Variants in CAST observed in about 807,000 individuals in gnomAD.
CAST encodes the protein calpastatin, also known as MIR583 host.
A neutral mutation model predicts 119.6 loss-of-function variants in CAST; 76 were observed. That is an observed-to-expected ratio of 0.64 (90% confidence interval 0.53 to 0.77). The LOEUF is 0.77. CAST is among the 30% of genes least tolerant of loss of function. The pLI is 0.00. For missense variants in CAST, 953 were observed against 946.5 expected, an observed-to-expected ratio of 1.01 and a Z score of -0.09; for synonymous variants, 319 against 331.6, an observed-to-expected ratio of 0.96 and a Z score of 0.41.
the CAST span, among the ~76,000 whole-genome samples, chr5:96,409,787 T>C: frequency 1.8e-4 from 27 of 152,214 alleles, no homozygotes; most frequent in African/African-American, 5.8e-4. Flanking sequence ...CACTGTCTAT[T>C]ACTTGAGTAG....
the CAST span, among the ~76,000 whole-genome samples, chr5:95,995,895 G>A: frequency 5.9e-5 from 9 of 152,230 alleles, no homozygotes; most frequent in East Asian, 9.6e-4. Flanking sequence ...GCAGGGTGGC[G>A]AAAAGCCTAG....
At chr5:96,279,399 C>T in the CAST span, among the ~76,000 whole-genome samples, 1 of 152,256 alleles carries the variant, frequency 6.6e-6, no homozygotes, top group Non-Finnish European at 1.5e-5. Context: ...CAGGCCTGCA[C>T]TGCAAGGAAT....
chr5:96,495,746 A>G, the CAST span, among the ~76,000 whole-genome samples: 2 of 152,316 alleles, frequency 1.3e-5, no homozygotes, highest in East Asian at 3.9e-4. Flanking sequence ...ATGTGTCTTT[A>G]TAGTAGAATT....
chr5:96,704,177 G>A (rs1037655321), intron 3 of CAST, among the ~76,000 whole-genome samples: 10 of 152,206 alleles, frequency 6.6e-5, no homozygotes, highest in African/African-American at 2.4e-4. Flanking sequence ...GAATCAGCAT[G>A]CTTTGTAGAC....
chr5:96,663,026 G>C (rs999859551), intron 1 of CAST: 6 of 693,638 alleles, frequency 8.7e-6, no homozygotes, highest in Admixed American at 2.0e-5. Context: ...GCGGAGCTCA[G>C]TGCCAGCCCG....
At chr5:96,693,480 AG>A (rs1383862226) in intron 2 of CAST, among the ~76,000 whole-genome samples, 1 of 152,240 alleles carries the variant, frequency 6.6e-6, no homozygotes, top group Non-Finnish European at 1.5e-5. Context: ...ATCTGTAATT[AG>A]CCCAGGATTG....
chr5:96,572,774 T>C (rs577804223), intron 1 of CAST, among the ~76,000 whole-genome samples: 1 of 152,204 alleles, frequency 6.6e-6, no homozygotes, highest in African/African-American at 2.4e-5. Context: ...GGGCAGGCTT[T>C]CTCTTTCCTC....
chr5:96,716,049 GA>G (rs1173202283), intron 3 of CAST, among the ~76,000 whole-genome samples: 3 of 152,204 alleles, frequency 2.0e-5, no homozygotes, highest in Non-Finnish European at 4.4e-5. Context: ...GGGATTGTAA[GA>G]ATGTATGTCA....
the CAST span, among the ~76,000 whole-genome samples, chr5:96,370,120 G>C: frequency 6.6e-6 from 1 of 151,520 alleles, no homozygotes; most frequent in Admixed American, 6.6e-5. Flanking sequence ...ACTCATTATA[G>C]GAGGTATTAA....
chr5:96,548,747 T>C (rs1459839), intron 1 of CAST, among the ~76,000 whole-genome samples: 42,458 of 152,166 alleles, frequency 0.28, 6,360 homozygotes, highest in East Asian at 0.58. Flanking sequence ...GAGCATCTTC[T>C]GGGTAGAGCT....
chr5:96,652,368 A>G (rs945314190), intron 1 of CAST, among the ~76,000 whole-genome samples: 8 of 152,248 alleles, frequency 5.3e-5, no homozygotes, highest in Admixed American at 3.3e-4. Context: ...TTGATGGGTC[A>G]TGGGGATTTT....
chr5:96,362,428 G>A, the CAST span, among the ~76,000 whole-genome samples: 1 of 152,000 alleles, frequency 6.6e-6, no homozygotes, highest in South Asian at 2.1e-4. Context: ...CACAATGGTT[G>A]AACTAGTTTA....
intron 2 of CAST, among the ~76,000 whole-genome samples, chr5:96,681,262 C>G (rs1460626118): frequency 6.6e-6 from 1 of 152,160 alleles, no homozygotes. Flanking sequence ...CAAAATTGTA[C>G]AACATCCTTG....
chr5:96,259,844 T>C, the CAST span, among the ~76,000 whole-genome samples: 3 of 151,948 alleles, frequency 2.0e-5, no homozygotes, highest in African/African-American at 7.3e-5. Context: ...AATTGAGCGA[T>C]GAAGACCCAC....
intron 1 of CAST, among the ~76,000 whole-genome samples, chr5:96,601,976 C>T (rs147397491): frequency 7.2e-4 from 109 of 152,316 alleles, no homozygotes; most frequent in African/African-American, 2.3e-3. Flanking sequence ...CTCCCTCTGG[C>T]CCTCCTCATT....
chr5:96,001,090 T>C, the CAST span, among the ~76,000 whole-genome samples: 2 of 152,176 alleles, frequency 1.3e-5, no homozygotes, highest in African/African-American at 4.8e-5. Context: ...AAACCCTCAG[T>C]TTGCTCCCAG....
At chr5:96,743,611 A>G (rs1763136751) in intron 16 of CAST, 1 of 1,610,342 alleles carries the variant, frequency 6.2e-7, no homozygotes, top group Non-Finnish European at 8.5e-7. Flanking sequence ...TGAGTCTGGG[A>G]CTGCCCTGGC....
the CAST span, among the ~76,000 whole-genome samples, chr5:96,416,862 C>A: frequency 6.6e-6 from 1 of 152,196 alleles, no homozygotes; most frequent in Non-Finnish European, 1.5e-5. Context: ...CTTCCAAACA[C>A]CAAATTCCAC....
the CAST span, among the ~76,000 whole-genome samples, chr5:96,087,692 A>G: frequency 6.6e-6 from 1 of 152,220 alleles, no homozygotes; most frequent in African/African-American, 2.4e-5. Context: ...GTGGTGATGG[A>G]TGGTACTTGA....
Sources: gnomAD v4.1 joint callset for allele counts (sites outside exome capture counted in the v4.1 genomes callset) on GRCh38, gnomAD v4.1.1 for gene constraint, MANE v1.5 for transcripts, NCBI Gene and HGNC (gene_info 2026-07-23, HGNC 2026-07-21) for gene names.